Variants in TSHZ2 observed in about 807,000 individuals in gnomAD.
TSHZ2 encodes teashirt zinc finger homeobox 2.
A neutral mutation model predicts 74.4 loss-of-function variants in TSHZ2; 21 were observed. That is an observed-to-expected ratio of 0.28 (90% CI 0.20 to 0.41). The LOEUF (loss-of-function observed/expected upper bound fraction) is 0.41, where lower values mean the gene tolerates loss of function less well. Among genes scored for constraint, TSHZ2 ranks in the 10% least tolerant of loss-of-function variants. The pLI, the probability that TSHZ2 is intolerant of heterozygous loss-of-function variation, is 1.00. For synonymous variants in TSHZ2, 540 were observed against 515.3 expected (o/e 1.05, Z -0.65); for missense variants, 1,244 against 1,293.5 (o/e 0.96, Z 0.59).
At chr20:53,402,573 T>C (rs1982706910) in intron 2 of TSHZ2, among the ~76,000 whole-genome samples, 3 of 152,220 alleles carry the variant, frequency 2.0e-5, no homozygotes, top group Admixed American at 2.0e-4. Flanking sequence ...TTAGAGATCA[T>C]TTCTATGAAA....
intron 2 of TSHZ2, among the ~76,000 whole-genome samples, chr20:53,430,904 C>T (rs1251946445): frequency 3.3e-5 from 5 of 152,006 alleles, no homozygotes; most frequent in Non-Finnish European, 4.4e-5. Context: ...TACAGGTATG[C>T]GTCTCCACGC....
At chr20:53,021,007 C>T (rs1473338484) in intron 1 of TSHZ2, among the ~76,000 whole-genome samples, 1 of 152,168 alleles carries the variant, frequency 6.6e-6, no homozygotes, top group Non-Finnish European at 1.5e-5. Context: ...TGAAGTAAGG[C>T]TTGTAAAGCA....
At chr20:53,323,874 G>A (rs998705688) in intron 2 of TSHZ2, among the ~76,000 whole-genome samples, 5 of 151,860 alleles carry the variant, frequency 3.3e-5, no homozygotes, top group East Asian at 1.9e-4. Flanking sequence ...CACCATGCCC[G>A]GGCTCCTCGG....
chr20:53,420,036 A>G (rs1240096822), intron 2 of TSHZ2, among the ~76,000 whole-genome samples: 1 of 152,250 alleles, frequency 6.6e-6, no homozygotes, highest in Non-Finnish European at 1.5e-5. Context: ...ACTAACCTTC[A>G]CTAAATGTCC....
rs563172335 is a variant in TSHZ2 at position 53,047,987 on chromosome 20, G to C, written c.40+74654G>C. 2.0e-5 allele frequency among the ~76,000 whole-genome samples: 3 copies of C among 152,314 alleles called. 1 individual carries two copies. The South Asian group carries it at 6.2e-4, about 32-fold the overall frequency. On this transcript the variant is annotated intron_variant, in intron 1 of 2. Transcript: ENST00000371497. ...AGAAGGGGAGACGGGATGTGGCCAA[G>C]TTAGTAAACAGGTTCGTAAGTGGCT...
intron 1 of TSHZ2, among the ~76,000 whole-genome samples, chr20:52,983,151 T>C (rs947582534): frequency 6.6e-6 from 1 of 151,882 alleles, no homozygotes; most frequent in Non-Finnish European, 1.5e-5. Context: ...TTGTTAAGAG[T>C]CAAGCCGACC....
chr20:53,077,386 G>A (rs1863740751), intron 1 of TSHZ2, among the ~76,000 whole-genome samples: 1 of 146,228 alleles, frequency 6.8e-6, no homozygotes, highest in South Asian at 2.2e-4. Flanking sequence ...ACTGCAGCCA[G>A]GATGACAGAG....
chr20:53,411,889 A>G (rs985774059), intron 2 of TSHZ2, among the ~76,000 whole-genome samples: 8 of 152,248 alleles, frequency 5.3e-5, no homozygotes, highest in African/African-American at 1.9e-4. Flanking sequence ...AAATTAGCCT[A>G]TTCAAGCAAG....
At chr20:53,444,204 T>G (rs1000773618) in intron 2 of TSHZ2, among the ~76,000 whole-genome samples, 1 of 152,234 alleles carries the variant, frequency 6.6e-6, no homozygotes, top group Non-Finnish European at 1.5e-5. Context: ...TCTTCCATTC[T>G]GAGCTCTGTT....
rs1352387447 is a variant in TSHZ2 at position 53,253,396 on chromosome 20, T to C, written c.41-103T>C. ...ACAGTGCATAAAAATGTAGATTAAA[T>C]CACCGTTCAGTTCGGCATGGGAAGC... On this transcript the variant is annotated intron_variant, in intron 1 of 2. Transcript: ENST00000371497. 4.1e-6 allele frequency: 6 copies of C among 1,476,246 alleles called. No individual in the cohort carries two copies. The Admixed American group carries it at 9.3e-5, about 23-fold the overall frequency. The allele number at this position is 1,476,246 out of a possible 1,614,324, so 91.4% of individuals were successfully genotyped here.
At chr20:53,336,571 A>G (rs1979956191) in intron 2 of TSHZ2, among the ~76,000 whole-genome samples, 2 of 152,206 alleles carry the variant, frequency 1.3e-5, no homozygotes, top group Non-Finnish European at 2.9e-5. Flanking sequence ...CTGGTGGGTA[A>G]GCACAGTGAG....
chr20:53,427,076 G>A (rs1019957096), intron 2 of TSHZ2, among the ~76,000 whole-genome samples: 7 of 152,174 alleles, frequency 4.6e-5, no homozygotes, highest in African/African-American at 9.7e-5. Context: ...GGGCTGGAGC[G>A]CCGTGAAGCT....
chr20:53,419,861 A>G (rs2145714037), intron 2 of TSHZ2, among the ~76,000 whole-genome samples: 1 of 152,340 alleles, frequency 6.6e-6, no homozygotes, highest in African/African-American at 2.4e-5. Context: ...ATTGATGTAC[A>G]GTGTCCCAGG....
In TSHZ2 at chr20:53,098,257, G is replaced by A. The variant is rs368444199; in HGVS notation, c.40+124924G>A. On this transcript the variant is annotated intron_variant, in intron 1 of 2. Transcript: ENST00000371497. ...CTGTTGAATATTGCCCAGCCTCAGCGATAATAATGCATAATGCTTAGTTTA... is the reference window on the plus strand; with the variant it reads ...CTGTTGAATATTGCCCAGCCTCAGCAATAATAATGCATAATGCTTAGTTTA... Among the ~76,000 whole-genome samples, 15 of 152,292 alleles carry A rather than the reference G, an allele frequency of 9.8e-5. No individual in the cohort carries two copies. The East Asian group carries it at 1.3e-3, about 14-fold the overall frequency.
chr20:53,237,546 T>C (rs1055889295), intron 1 of TSHZ2, among the ~76,000 whole-genome samples: 4 of 152,064 alleles, frequency 2.6e-5, no homozygotes, highest in East Asian at 1.9e-4. Flanking sequence ...TCTGAATTTC[T>C]TTCTTCTACA....
chr20:53,160,284 T>C (rs963605124), intron 1 of TSHZ2, among the ~76,000 whole-genome samples: 9 of 152,272 alleles, frequency 5.9e-5, no homozygotes, highest in African/African-American at 1.9e-4. Flanking sequence ...GGGGTGGTAG[T>C]TTTTTATGGG....
chr20:53,025,814 A>C (rs1380257589), intron 1 of TSHZ2, among the ~76,000 whole-genome samples: 1 of 152,170 alleles, frequency 6.6e-6, no homozygotes, highest in African/African-American at 2.4e-5. Flanking sequence ...ATGTAATATG[A>C]GCTTCCAATT....
chr20:53,312,100 T>TA (rs1325642607), intron 2 of TSHZ2, among the ~76,000 whole-genome samples: 3 of 151,352 alleles, frequency 2.0e-5, no homozygotes, highest in Non-Finnish European at 2.9e-5. Context: ...AAAATTTTTT[T>TA]AAAAAAAATC....
At chr20:53,459,697 G>A (rs1426460061) in intron 2 of TSHZ2, among the ~76,000 whole-genome samples, 18 of 141,790 alleles carry the variant, frequency 1.3e-4, no homozygotes, top group South Asian at 4.9e-4. Context: ...GGCTGGTACC[G>A]GTTGTTCTTT....
Sources: allele counts gnomAD v4.1 joint callset (sites outside exome capture counted in the v4.1 genomes callset), GRCh38; gene constraint gnomAD v4.1.1; transcripts MANE v1.5; gene names NCBI Gene and HGNC (gene_info 2026-07-23, HGNC 2026-07-21).